Variants in AFF1 observed in about 807,000 individuals in gnomAD.
AFF1 encodes ALF transcription elongation factor 1.
Under a neutral mutation model 121.7 loss-of-function variants are expected in AFF1, and 48 were observed. That is an observed-to-expected ratio of 0.39 (90% CI 0.31 to 0.50). AFF1 has a LOEUF of 0.50. Ranked by LOEUF, AFF1 falls within the 20% of genes least tolerant of loss-of-function variation. The pLI, the probability that AFF1 is intolerant of heterozygous loss-of-function variation, is 0.76. For synonymous variants in AFF1, 613 were observed against 563.0 expected, an observed-to-expected ratio of 1.09 and a Z score of -1.26; for missense variants, 1,523 against 1,511.7, an observed-to-expected ratio of 1.01 and a Z score of -0.12.
chr4:86,999,139 T>G (rs1289469892), intron 2 of AFF1, among the ~76,000 whole-genome samples: 1 of 152,160 alleles, frequency 6.6e-6, no homozygotes, highest in Admixed American at 6.5e-5. Context: ...TTCAACAAAT[T>G]ATTAATGTGG....
intron 4 of AFF1, among the ~76,000 whole-genome samples, chr4:87,067,996 T>C (rs548191074): frequency 1.3e-5 from 2 of 152,242 alleles, no homozygotes; most frequent in African/African-American, 2.4e-5. Flanking sequence ...TTTTTTCTTA[T>C]ATGTAAAATT....
intron 5 of AFF1, among the ~76,000 whole-genome samples, chr4:87,089,400 A>G (rs772006195): frequency 6.6e-6 from 1 of 152,240 alleles, no homozygotes; most frequent in African/African-American, 2.4e-5. Flanking sequence ...AAGCTTCTCA[A>G]TGGAAAAGAA....
intron 4 of AFF1, among the ~76,000 whole-genome samples, chr4:87,060,822 T>G (rs1720673134): frequency 9.6e-6 from 1 of 104,644 alleles, no homozygotes; most frequent in Admixed American, 1.3e-4. Context: ...CTGGCGAGAG[T>G]GAGACTCTGT....
At chr4:86,978,319 G>A (rs1029791023) in intron 2 of AFF1, among the ~76,000 whole-genome samples, 3 of 150,446 alleles carry the variant, frequency 2.0e-5, no homozygotes, top group Non-Finnish European at 4.4e-5. Flanking sequence ...GAAGAGCTGG[G>A]ACTACAGACG....
At chr4:87,043,605 T>C (rs577829760) in intron 2 of AFF1, among the ~76,000 whole-genome samples, 6 of 152,234 alleles carry the variant, frequency 3.9e-5, no homozygotes, top group Admixed American at 6.5e-5. Context: ...CAACTGGAAG[T>C]AAGTTTAACT....
chr4:86,949,962 T>C lies in AFF1; in HGVS notation c.38+1391T>C, dbSNP rs1721184100. 9.3e-6 allele frequency: 15 copies of C among 1,613,848 alleles called. No homozygotes were observed. In the Middle Eastern group the frequency reaches 4.9e-4, roughly 53 times the overall value. On this transcript the variant is annotated intron_variant, in intron 2 of 20. Coordinates refer to ENST00000395146, the MANE Select transcript of AFF1 (RefSeq NM_001166693.3). Reference sequence around the variant, plus strand: ...CGCAGGTCCCGCAGGGCCATGTGGATGGAGAAGTTGCCGAGCTGGCAGATC... The same window carrying C: ...CGCAGGTCCCGCAGGGCCATGTGGACGGAGAAGTTGCCGAGCTGGCAGATC...
intron 18 of AFF1, 89 bp downstream of exon 18, chr4:87,131,953 G>GCATCTGT: frequency 8.5e-7 from 1 of 1,179,128 alleles, no homozygotes; most frequent in Non-Finnish European, 1.2e-6. Context: ...TTTTCTTAAT[G>GCATCTGT]TGAAAATTAT....
rs1748354197 is a variant in AFF1, at chr4:86,935,260, ACCCAGGGCTGGGGGTCGATCCGCCCGGCC to A, written c.-37+24_-37+52del. The A allele has an allele frequency of 6.6e-6, 1 of 152,252 alleles. No homozygotes were observed. The highest frequency in any genetic ancestry group is 2.4e-5 in the African/African-American group (1 of 41,378). The allele number at this position is 152,252 out of a possible 1,614,324, so 9.4% of individuals were successfully genotyped here. On this transcript the variant is annotated intron_variant, in intron 1 of 20. Transcript: ENST00000395146. Reference sequence around the variant, plus strand: ...TGGAAGGTGAGCGCAGCCCTGCGCCACCCAGGGCTGGGGGTCGATCCGCCCGGCCCCCGACGCCGCCGCCGCGGACTTCT... The same window carrying A: ...TGGAAGGTGAGCGCAGCCCTGCGCCACCCGACGCCGCCGCCGCGGACTTCT...
chr4:87,048,023 A>G (rs2869637), intron 4 of AFF1: 5 of 195,866 alleles, frequency 2.6e-5, no homozygotes, highest in Non-Finnish European at 5.3e-5. Flanking sequence ...AACACGAAAA[A>G]ATTTTTTTTG....
intron 4 of AFF1, among the ~76,000 whole-genome samples, chr4:87,059,205 T>C (rs1419825189): frequency 1.3e-5 from 2 of 152,226 alleles, no homozygotes; most frequent in African/African-American, 4.8e-5. Context: ...TATTTTGAGA[T>C]CTAGGTTCTG....
intron 15 of AFF1, 101 bp from the exon 16 acceptor site, chr4:87,127,542 C>G: frequency 9.5e-7 from 1 of 1,053,524 alleles, no homozygotes; most frequent in Non-Finnish European, 1.5e-6. Context: ...TCTCTCCTCC[C>G]CTTGCTGTCC....
intron 2 of AFF1, among the ~76,000 whole-genome samples, chr4:87,044,569 G>A (rs1730484229): frequency 1.3e-5 from 2 of 152,156 alleles, no homozygotes; most frequent in Non-Finnish European, 2.9e-5. Flanking sequence ...ATTAAGGATG[G>A]GGGTGTGTGG....
intron 2 of AFF1, among the ~76,000 whole-genome samples, chr4:86,967,277 G>A (rs1350808158): frequency 6.6e-6 from 1 of 152,152 alleles, no homozygotes; most frequent in African/African-American, 2.4e-5. Flanking sequence ...AGAGATGTGT[G>A]TTCCAGATAA....
chr4:87,026,639 A>G (rs886856717), intron 2 of AFF1, among the ~76,000 whole-genome samples: 2 of 152,206 alleles, frequency 1.3e-5, no homozygotes, highest in Non-Finnish European at 2.9e-5. Flanking sequence ...CTTCTAAAAG[A>G]GCAAGGAAAG....
At chr4:87,025,485 C>T (rs1728433814) in intron 2 of AFF1, among the ~76,000 whole-genome samples, 1 of 152,182 alleles carries the variant, frequency 6.6e-6, no homozygotes, top group Non-Finnish European at 1.5e-5. Context: ...TCCTTCCGTC[C>T]TGCATTATTG....
intron 8 of AFF1, among the ~76,000 whole-genome samples, chr4:87,098,729 A>G (rs1055722945): frequency 1.3e-5 from 2 of 152,164 alleles, no homozygotes; most frequent in African/African-American, 4.8e-5. Context: ...AAAATAAGAG[A>G]CAGAAATTAG....
intron 12 of AFF1, among the ~76,000 whole-genome samples, chr4:87,118,212 C>T (rs1028582860): frequency 2.6e-5 from 4 of 152,224 alleles, no homozygotes; most frequent in Non-Finnish European, 5.9e-5. Context: ...CTTGAATCCA[C>T]TTCAGACTTA....
chr4:86,950,716 C>T (rs1009887766), intron 2 of AFF1, among the ~76,000 whole-genome samples: 4 of 152,158 alleles, frequency 2.6e-5, no homozygotes, highest in Non-Finnish European at 4.4e-5. Context: ...TACTCTCTCC[C>T]CTCACCAAAG....
chr4:87,006,893 A>T, intron 2 of AFF1: 1 of 940,074 alleles, frequency 1.1e-6, no homozygotes, highest in Non-Finnish European at 1.3e-6. Context: ...AGGGCCGCCG[A>T]GCGCCCTGCC....
Sources: allele counts gnomAD v4.1 joint callset (sites outside exome capture counted in the v4.1 genomes callset), GRCh38; gene constraint gnomAD v4.1.1; transcripts MANE v1.5; gene names NCBI Gene and HGNC (gene_info 2026-07-23, HGNC 2026-07-21).